The following AKAP6 variants were observed in gnomAD, a reference collection of about 807,000 sequenced individuals.
AKAP6 encodes the protein A-kinase anchoring protein 6.
A neutral mutation model predicts 188.5 loss-of-function variants in AKAP6; 58 were observed. That is an observed-to-expected ratio of 0.31 (90% CI 0.25 to 0.38). The LOEUF is 0.38. Ranked by LOEUF, AKAP6 falls within the 10% of genes least tolerant of loss-of-function variation. The probability of loss-of-function intolerance (pLI) is 1.00; values close to 1 mark genes in which losing one functional copy is unlikely to be tolerated. For synonymous variants in AKAP6, 989 were observed against 998.6 expected, an observed-to-expected ratio of 0.99 and a Z score of 0.18; for missense variants, 2,710 against 2,740.0, an observed-to-expected ratio of 0.99 and a Z score of 0.24.
intron 12 of AKAP6, among the ~76,000 whole-genome samples, chr14:32,774,473 G>A (rs2032993420): frequency 6.6e-6 from 1 of 152,148 alleles, no homozygotes; most frequent in Non-Finnish European, 1.5e-5. Flanking sequence ...TTTCCTCTTA[G>A]AGTTTTAATG....
intron 7 of AKAP6, chr14:32,627,909 T>C (rs1323429756): frequency 6.6e-6 from 1 of 152,096 alleles, no homozygotes; most frequent in Non-Finnish European, 1.5e-5. Context: ...TGTCCACAAA[T>C]AGTAGACCTC....
chr14:32,751,014 G>A (rs112809843), intron 11 of AKAP6, among the ~76,000 whole-genome samples: 1,654 of 152,178 alleles, frequency 0.011, 34 homozygotes, highest in African/African-American at 0.038. Context: ...GATTACAGGC[G>A]TGAGCCACCG....
chr14:32,489,997 G>A (rs1354187607), intron 2 of AKAP6, among the ~76,000 whole-genome samples: 1 of 152,154 alleles, frequency 6.6e-6, no homozygotes, highest in East Asian at 1.9e-4. Flanking sequence ...AGTGGAGTTA[G>A]GAGCAATGTT....
At chr14:32,682,441 G>T (rs1889717770) in intron 8 of AKAP6, among the ~76,000 whole-genome samples, 1 of 152,206 alleles carries the variant, frequency 6.6e-6, no homozygotes, top group African/African-American at 2.4e-5. Context: ...CCAGCATCTG[G>T]CGCAGTGCCT....
rs2034867340 is a variant in AKAP6, at chr14:32,835,596, T to A, written c.*5791T>A. 2 of 152,168 alleles carry A rather than the reference T, an allele frequency of 1.3e-5. No individual in the cohort carries two copies. The highest frequency in any genetic ancestry group is 1.5e-5 in the Non-Finnish European group (1 of 68,040). The allele number at this position is 152,168 out of a possible 1,614,324, so 9.4% of individuals were successfully genotyped here. Reference sequence around the variant, plus strand: ...CACAGTCAGTTTTTTTCAAATTCATTTTTCAACTCAAAGGCAAAACCATGA... The same window carrying A: ...CACAGTCAGTTTTTTTCAAATTCATATTTCAACTCAAAGGCAAAACCATGA... On this transcript the variant is annotated 3_prime_UTR_variant, in exon 14 of 14. Coordinates refer to ENST00000280979, the MANE Select transcript of AKAP6 (RefSeq NM_004274.5).
intron 1 of AKAP6, among the ~76,000 whole-genome samples, chr14:32,389,377 C>T (rs1312827879): frequency 1.3e-5 from 2 of 151,906 alleles, no homozygotes; most frequent in African/African-American, 4.8e-5. Context: ...CCATTCTATT[C>T]ATCCTGCTAT....
At chr14:32,631,654 A>G (rs984032208) in intron 7 of AKAP6, among the ~76,000 whole-genome samples, 1 of 151,920 alleles carries the variant, frequency 6.6e-6, no homozygotes, top group African/African-American at 2.4e-5. Context: ...GCATTTTACC[A>G]GTAAGATGTA....
chr14:32,540,912 T>G (rs1180972106), intron 3 of AKAP6, among the ~76,000 whole-genome samples: 1 of 151,404 alleles, frequency 6.6e-6, no homozygotes, highest in Non-Finnish European at 1.5e-5. Context: ...ACAGTTTGAA[T>G]AAAAAATAGT....
intron 2 of AKAP6, among the ~76,000 whole-genome samples, chr14:32,476,524 G>A (rs1429778277): frequency 6.6e-6 from 1 of 152,160 alleles, no homozygotes; most frequent in Non-Finnish European, 1.5e-5. Context: ...TGTATAGAAT[G>A]CAAGTCTCCT....
intron 4 of AKAP6, among the ~76,000 whole-genome samples, chr14:32,553,106 T>C (rs1229928770): frequency 2.0e-5 from 3 of 152,172 alleles, no homozygotes; most frequent in East Asian, 3.8e-4. Context: ...ATCTTTCTTA[T>C]AATAGACTAA....
intron 1 of AKAP6, among the ~76,000 whole-genome samples, chr14:32,365,510 T>C (rs763721156): frequency 1.1e-4 from 16 of 152,104 alleles, no homozygotes; most frequent in Non-Finnish European, 1.8e-4. Context: ...TGATTACTGA[T>C]CCCAATTCTT....
At chr14:32,453,666 C>T (rs1376059945) in intron 2 of AKAP6, among the ~76,000 whole-genome samples, 1 of 142,008 alleles carries the variant, frequency 7.0e-6, no homozygotes, top group Non-Finnish European at 1.5e-5. Flanking sequence ...GCGCGATCTC[C>T]GCTCACTGCA....
At chr14:32,667,793 A>G (rs1180232951) in intron 7 of AKAP6, among the ~76,000 whole-genome samples, 1 of 152,098 alleles carries the variant, frequency 6.6e-6, no homozygotes. Context: ...TATTATTAGT[A>G]TGTAAAGTAA....
intron 9 of AKAP6, among the ~76,000 whole-genome samples, chr14:32,704,490 A>G (rs1022175139): frequency 1.3e-5 from 2 of 152,196 alleles, no homozygotes; most frequent in Admixed American, 1.3e-4. Context: ...ACTCAAAACT[A>G]TGTATATGTT....
In AKAP6 at chr14:32,732,560, A is replaced by C. The variant is rs757382897; in HGVS notation, c.3107A>C (p.Glu1036Ala). 27 of 1,613,622 alleles carry C rather than the reference A, an allele frequency of 1.7e-5. No homozygotes were observed. Among genetic ancestry groups the C allele is most frequent in the Non-Finnish European group, 2.0e-5 (24 of 1,179,710 alleles). Residue 1036 changes from glutamate to alanine, a missense_variant, in exon 10 of 14, where the codon GAA becomes GCA. Glu to Ala is a moderately radical substitution (Grantham distance 107, BLOSUM62 -1). Coordinates refer to ENST00000280979, the MANE Select transcript of AKAP6 (RefSeq NM_004274.5). ...GTTTTACTACCAAATGATCTCCTTG[A>C]AAAAGTGGATTCAATTAATGAAAAA... ...GGVLLPNDLL[E>A]KVDSINEKWE...
At position 32,824,390 on chromosome 14, in the gene AKAP6, G is replaced by C. The variant is rs773255771; in HGVS notation, c.6577G>C (p.Ala2193Pro). 6.2e-7 allele frequency: 1 copy of C among 1,613,942 alleles called. No homozygotes were observed. Among genetic ancestry groups the C allele is most frequent in the Admixed American group, 1.7e-5 (1 of 59,910 alleles). ...AGCTGCAATGCCACTACAAGCAACA[G>C]CATGTTCTTCTGAGTTCAGTGATAG... ...SEAAMPLQAT[A>P]CSSEFSDSSL... Residue 2193 changes from alanine to proline, a missense_variant, in exon 13 of 14, where the codon GCA becomes CCA. By Grantham distance (27) the Ala-to-Pro change is conservative (BLOSUM62 -1). Coordinates refer to ENST00000280979, the MANE Select transcript of AKAP6 (RefSeq NM_004274.5).
intron 5 of AKAP6, among the ~76,000 whole-genome samples, chr14:32,595,974 T>A (rs1317491001): frequency 6.6e-6 from 1 of 152,184 alleles, no homozygotes; most frequent in Non-Finnish European, 1.5e-5. Flanking sequence ...TATGAATTTA[T>A]GTCTTATAAA....
At chr14:32,460,160 A>G (rs1377921783) in intron 2 of AKAP6, among the ~76,000 whole-genome samples, 1 of 152,242 alleles carries the variant, frequency 6.6e-6, no homozygotes, top group Non-Finnish European at 1.5e-5. Flanking sequence ...GAATTAGTGA[A>G]TTAGATAAAT....
rs779867395 is a variant in AKAP6, at chr14:32,615,591, C to CTTTTTTT, written c.2730+14815_2730+14821dup. On this transcript the variant is annotated intron_variant, in intron 7 of 13. Coordinates refer to ENST00000280979, the MANE Select transcript of AKAP6 (RefSeq NM_004274.5). ...TGTTTCCCCCAATGCTAAACCATTACTTTTTTTTTTTTTTTTTTTTTTGAG... is the reference window on the plus strand; with the variant it reads ...TGTTTCCCCCAATGCTAAACCATTACTTTTTTTTTTTTTTTTTTTTTTTTTTTTTGAG... Among the ~76,000 whole-genome samples the CTTTTTTT allele has an allele frequency of 1.1e-4, 13 of 115,262 alleles. 1 individual carries two copies. Among genetic ancestry groups the CTTTTTTT allele is most frequent in the African/African-American group, 4.2e-4 (11 of 26,050 alleles). The allele number at this position is 115,262 out of a possible 152,430, so 75.6% of individuals were successfully genotyped here.
Sources: allele counts gnomAD v4.1 joint callset (sites outside exome capture counted in the v4.1 genomes callset), GRCh38; gene constraint gnomAD v4.1.1; transcripts MANE v1.5; gene names NCBI Gene and HGNC (gene_info 2026-07-23, HGNC 2026-07-21).